Variants in GALNT13 observed in about 807,000 individuals in gnomAD.
GALNT13 encodes the protein UDP-GalNAc:polypeptide N-acetylgalactosaminyltransferase 13.
GALNT13 carries 28 observed loss-of-function variants against 64.2 expected under a neutral mutation model. The observed-to-expected ratio is 0.44, with a 90% CI of 0.32 to 0.60. The LOEUF is 0.60. Among genes scored for constraint, GALNT13 ranks in the 20% least tolerant of loss-of-function variants. The pLI, the probability that GALNT13 is intolerant of heterozygous loss-of-function variation, is 0.05. For missense variants in GALNT13, 577 were observed against 669.8 expected, an observed-to-expected ratio of 0.86 and a Z score of 1.53; for synonymous variants, 214 against 224.6, an observed-to-expected ratio of 0.95 and a Z score of 0.42.
rs111936256 is a variant in GALNT13, at chr2:154,236,143, C to A, written c.312-5887C>A. The A allele has an allele frequency of 5.4e-3, 5,998 of 1,120,522 alleles. 167 individuals carry two copies. In the African/African-American group the frequency reaches 0.072, roughly 13 times the overall value. The allele number at this position is 1,120,522 out of a possible 1,614,324, so 69.4% of individuals were successfully genotyped here. On this transcript the variant is annotated intron_variant, in intron 4 of 12. Transcript: ENST00000392825. Reference sequence around the variant, plus strand: ...TTTCTGACTTTCCCTGCTTTCGTGACAGTAAATATTGTCTTCTTGCTTTTA... The same window carrying A: ...TTTCTGACTTTCCCTGCTTTCGTGAAAGTAAATATTGTCTTCTTGCTTTTA...
chr2:153,777,729 G>A, the GALNT13 span, among the ~76,000 whole-genome samples: 1 of 152,112 alleles, frequency 6.6e-6, no homozygotes, highest in African/African-American at 2.4e-5. Context: ...GCAGGCTTCG[G>A]GGCTTTGAGA....
At chr2:153,880,385 T>G (rs994310055) in intron 1 of GALNT13, among the ~76,000 whole-genome samples, 3 of 152,138 alleles carry the variant, frequency 2.0e-5, no homozygotes, top group African/African-American at 7.2e-5. Flanking sequence ...TAAAATGAAT[T>G]TTATTTTAGA....
chr2:153,938,252 G>A (rs1319509362), intron 2 of GALNT13, among the ~76,000 whole-genome samples: 3 of 152,092 alleles, frequency 2.0e-5, no homozygotes, highest in Non-Finnish European at 4.4e-5. Context: ...ATGGAAACAA[G>A]CAAGCAATAC....
At chr2:153,856,253 G>GATAA in the GALNT13 span, among the ~76,000 whole-genome samples, 4 of 151,770 alleles carry the variant, frequency 2.6e-5, no homozygotes, top group Non-Finnish European at 4.4e-5. Context: ...AGCTGTGATA[G>GATAA]GTAGCTAGAA....
chr2:153,264,331 T>C, the GALNT13 span, among the ~76,000 whole-genome samples: 1 of 152,196 alleles, frequency 6.6e-6, no homozygotes, highest in African/African-American at 2.4e-5. Context: ...GCTTTTACAC[T>C]GTTGGTGGGA....
At chr2:153,602,215 T>G in the GALNT13 span, among the ~76,000 whole-genome samples, 1 of 151,882 alleles carries the variant, frequency 6.6e-6, no homozygotes, top group South Asian at 2.1e-4. Flanking sequence ...GTTTTTAATT[T>G]ATTTAATAAA....
chr2:154,317,473 A>G (rs1297172304), intron 9 of GALNT13, among the ~76,000 whole-genome samples: 2 of 152,150 alleles, frequency 1.3e-5, no homozygotes, highest in Non-Finnish European at 2.9e-5. Flanking sequence ...AAGAAGCTGG[A>G]TTTGATTTCT....
At chr2:153,771,451 T>C in the GALNT13 span, among the ~76,000 whole-genome samples, 1 of 152,050 alleles carries the variant, frequency 6.6e-6, no homozygotes, top group African/African-American at 2.4e-5. Context: ...GGAAGGTAGG[T>C]ACACCAAAAA....
the GALNT13 span, among the ~76,000 whole-genome samples, chr2:153,669,142 G>A: frequency 0.025 from 3,747 of 152,232 alleles, 147 homozygotes; most frequent in African/African-American, 0.085. Flanking sequence ...GACCGTCAGA[G>A]AGCTCCGGCA....
At chr2:153,773,582 T>C in the GALNT13 span, among the ~76,000 whole-genome samples, 2 of 152,220 alleles carry the variant, frequency 1.3e-5, no homozygotes, top group Non-Finnish European at 2.9e-5. Context: ...TTCCCCTCTT[T>C]TTCTAGGTTT....
intron 11 of GALNT13, among the ~76,000 whole-genome samples, chr2:154,428,710 G>A (rs1700575730): frequency 6.6e-6 from 1 of 151,480 alleles, no homozygotes; most frequent in Non-Finnish European, 1.5e-5. Context: ...TCAAACTTTG[G>A]TAATTCTCCC....
At chr2:153,972,155 A>G (rs909119355) in intron 3 of GALNT13, among the ~76,000 whole-genome samples, 2 of 150,870 alleles carry the variant, frequency 1.3e-5, no homozygotes, top group African/African-American at 5.0e-5. Context: ...TTGCACTTCT[A>G]GCCTCCAGAA....
At chr2:153,467,520 T>G in the GALNT13 span, among the ~76,000 whole-genome samples, 1 of 152,080 alleles carries the variant, frequency 6.6e-6, no homozygotes, top group African/African-American at 2.4e-5. Flanking sequence ...AGATCTAGAT[T>G]TACATCTTTA....
chr2:153,833,608 A>G, the GALNT13 span, among the ~76,000 whole-genome samples: 1 of 152,278 alleles, frequency 6.6e-6, no homozygotes, highest in South Asian at 2.1e-4. Context: ...ACAAGCATGT[A>G]TGTATTGGAG....
intron 3 of GALNT13, among the ~76,000 whole-genome samples, chr2:153,999,988 T>A (rs978791253): frequency 6.6e-6 from 1 of 152,042 alleles, no homozygotes; most frequent in African/African-American, 2.4e-5. Context: ...ACTGCCCCAA[T>A]CTTGTTATTT....
chr2:153,924,901 C>T (rs1005714055), intron 2 of GALNT13, among the ~76,000 whole-genome samples: 2 of 150,592 alleles, frequency 1.3e-5, no homozygotes, highest in African/African-American at 4.9e-5. Flanking sequence ...CTTTTTGATG[C>T]CATTGTTTTT....
intron 3 of GALNT13, among the ~76,000 whole-genome samples, chr2:154,086,211 G>T (rs1701516235): frequency 6.8e-6 from 1 of 147,374 alleles, no homozygotes; most frequent in East Asian, 2.0e-4. Context: ...TAATGAATAC[G>T]CCAGAGAACC....
the GALNT13 span, among the ~76,000 whole-genome samples, chr2:153,105,493 A>G: frequency 6.6e-6 from 1 of 152,154 alleles, no homozygotes; most frequent in Non-Finnish European, 1.5e-5. Context: ...CACCACTCCT[A>G]TTCAACATAG....
intron 4 of GALNT13, among the ~76,000 whole-genome samples, chr2:154,175,119 T>C (rs1257826415): frequency 6.6e-6 from 1 of 152,146 alleles, no homozygotes; most frequent in African/African-American, 2.4e-5. Context: ...TTTTCTAATC[T>C]TTGAAAGAAC....
Sources: gnomAD v4.1 joint callset for allele counts (sites outside exome capture counted in the v4.1 genomes callset) on GRCh38, gnomAD v4.1.1 for gene constraint, MANE v1.5 for transcripts, NCBI Gene and HGNC (gene_info 2026-07-23, HGNC 2026-07-21) for gene names.